HPSE2: variants seen among roughly 807,000 people sequenced by gnomAD.
HPSE2 encodes heparanase 2 (inactive), also known as inactive heparanase-2.
HPSE2 carries 38 observed loss-of-function variants against 60.5 expected under a neutral mutation model. The ratio of observed to expected loss-of-function variants is 0.63; its 90% confidence interval spans 0.48 to 0.82. The LOEUF (loss-of-function observed/expected upper bound fraction) is 0.82, where lower values mean the gene tolerates loss of function less well. Ranked by LOEUF, HPSE2 falls within the 40% of genes least tolerant of loss-of-function variation. HPSE2 has a pLI of 0.00. For missense variants in HPSE2, 713 were observed against 740.4 expected (o/e 0.96, Z 0.43); for synonymous variants, 295 against 293.2 (o/e 1.01, Z -0.06).
the HPSE2 span, among the ~76,000 whole-genome samples, chr10:99,257,600 T>C: frequency 6.6e-6 from 1 of 152,182 alleles, no homozygotes; most frequent in Non-Finnish European, 1.5e-5. Flanking sequence ...CCTGATAAGA[T>C]GTTATCAATG....
intron 3 of HPSE2, among the ~76,000 whole-genome samples, chr10:98,890,436 A>G (rs997631041): frequency 6.6e-6 from 1 of 152,200 alleles, no homozygotes; most frequent in African/African-American, 2.4e-5. Flanking sequence ...ATATAGTACT[A>G]ACTGAGGAAA....
intron 9 of HPSE2, among the ~76,000 whole-genome samples, chr10:98,496,704 A>G (rs535589278): frequency 4.6e-5 from 7 of 152,360 alleles, no homozygotes; most frequent in African/African-American, 1.4e-4. Context: ...AGACTCTGCC[A>G]GTGCAATTGT....
intron 9 of HPSE2, among the ~76,000 whole-genome samples, chr10:98,567,585 C>A (rs913416235): frequency 1.3e-5 from 2 of 152,132 alleles, no homozygotes; most frequent in Non-Finnish European, 2.9e-5. Context: ...GTGTTTGGAG[C>A]AGATGGGAAA....
chr10:98,624,131 T>C (rs1325051600), intron 7 of HPSE2, among the ~76,000 whole-genome samples: 2 of 152,222 alleles, frequency 1.3e-5, no homozygotes. Context: ...AAGTTTTTGT[T>C]CTTGTTGTCT....
chr10:98,955,840 G>C (rs917219679), intron 3 of HPSE2, among the ~76,000 whole-genome samples: 2 of 152,112 alleles, frequency 1.3e-5, no homozygotes, highest in African/African-American at 2.4e-5. Flanking sequence ...ATTATCCTCA[G>C]CACACTGATG....
At chr10:98,826,486 T>C (rs1327549509) in intron 3 of HPSE2, among the ~76,000 whole-genome samples, 1 of 152,186 alleles carries the variant, frequency 6.6e-6, no homozygotes, top group East Asian at 1.9e-4. Context: ...GGTTGGGGTA[T>C]ATATCTCCTG....
chr10:99,234,714 A>G, intron 1 of HPSE2, among the ~76,000 whole-genome samples: 1 of 152,250 alleles, frequency 6.6e-6, no homozygotes, highest in South Asian at 2.1e-4. Context: ...TGCGGAGTTC[A>G]GATCTCCGAA....
At chr10:98,636,685 G>A (rs564118352) in intron 7 of HPSE2, among the ~76,000 whole-genome samples, 1 of 152,246 alleles carries the variant, frequency 6.6e-6, no homozygotes, top group Non-Finnish European at 1.5e-5. Context: ...TTCAAATATT[G>A]GGGAAGCCAA....
At chr10:98,779,988 T>C (rs954123669) in intron 3 of HPSE2, among the ~76,000 whole-genome samples, 2 of 152,144 alleles carry the variant, frequency 1.3e-5, no homozygotes, top group African/African-American at 4.8e-5. Context: ...TCATAATATA[T>C]ATTTTTTTCT....
At chr10:98,752,941 A>G (rs1233481640) in intron 3 of HPSE2, among the ~76,000 whole-genome samples, 1 of 152,224 alleles carries the variant, frequency 6.6e-6, no homozygotes, top group Non-Finnish European at 1.5e-5. Context: ...AGCCAGGCAC[A>G]GAAAGACAAA....
intron 1 of HPSE2, among the ~76,000 whole-genome samples, chr10:99,234,788 A>T (rs1446123854): frequency 6.7e-6 from 1 of 148,622 alleles, no homozygotes; most frequent in African/African-American, 2.5e-5. Context: ...CCCAGCGAGG[A>T]TTTTTTTTTT....
intron 11 of HPSE2, among the ~76,000 whole-genome samples, chr10:98,468,483 C>T (rs1940646491): frequency 1.3e-5 from 2 of 152,084 alleles, no homozygotes; most frequent in Non-Finnish European, 1.5e-5. Context: ...GCCTGTTCTT[C>T]CCTCCAGGCC....
At chr10:98,970,860 ATAGG>A (rs941199449) in intron 3 of HPSE2, among the ~76,000 whole-genome samples, 67 of 152,352 alleles carry the variant, frequency 4.4e-4, no homozygotes, top group African/African-American at 1.6e-3. Context: ...AGGCAAAAAA[ATAGG>A]TAATCAGAAG....
intron 9 of HPSE2, among the ~76,000 whole-genome samples, chr10:98,585,892 T>C (rs534901998): frequency 3.4e-5 from 5 of 148,128 alleles, no homozygotes; most frequent in African/African-American, 1.2e-4. Flanking sequence ...GCAGAGGTTT[T>C]GGTGAGCTGA....
intron 3 of HPSE2, among the ~76,000 whole-genome samples, chr10:99,108,371 T>C (rs1300458638): frequency 2.6e-5 from 4 of 151,736 alleles, no homozygotes; most frequent in African/African-American, 9.7e-5. Flanking sequence ...TAGCAACTAG[T>C]GTGGTAAGTC....
chr10:99,186,426 C>A (rs1018426176), intron 2 of HPSE2, among the ~76,000 whole-genome samples: 3 of 150,852 alleles, frequency 2.0e-5, no homozygotes, highest in Non-Finnish European at 2.9e-5. Flanking sequence ...GCCTGTAGTC[C>A]GAGCTACTCA....
chr10:98,735,050 A>G (rs1010544232), intron 4 of HPSE2, among the ~76,000 whole-genome samples: 52 of 152,118 alleles, frequency 3.4e-4, no homozygotes, highest in Non-Finnish European at 6.6e-4. Context: ...TTCGTGTTAT[A>G]CAGTTGTGTG....
chr10:98,913,166 G>GT (rs1208869562), intron 3 of HPSE2, among the ~76,000 whole-genome samples: 1 of 152,106 alleles, frequency 6.6e-6, no homozygotes, highest in Non-Finnish European at 1.5e-5. Flanking sequence ...TTCAAAAATT[G>GT]TATCAGGTAA....
intron 3 of HPSE2, among the ~76,000 whole-genome samples, chr10:98,921,557 C>T (rs138351870): frequency 6.6e-6 from 1 of 152,300 alleles, no homozygotes; most frequent in East Asian, 1.9e-4. Flanking sequence ...ACAATTTGTG[C>T]TCCAATTACC....
Sources: gnomAD v4.1 joint callset for allele counts (sites outside exome capture counted in the v4.1 genomes callset) on GRCh38, gnomAD v4.1.1 for gene constraint, MANE v1.5 for transcripts, NCBI Gene and HGNC (gene_info 2026-07-23, HGNC 2026-07-21) for gene names.